Variants in RPF2 observed in about 807,000 individuals in gnomAD.
The protein encoded by RPF2 is brix domain containing 1.
Under a neutral mutation model 38.9 loss-of-function variants are expected in RPF2, and 21 were observed. That is an observed-to-expected ratio of 0.54 (90% confidence interval 0.38 to 0.78). The LOEUF is 0.78. Among genes scored for constraint, RPF2 ranks in the 30% least tolerant of loss-of-function variants. The pLI, the probability that RPF2 is intolerant of heterozygous loss-of-function variation, is 0.00. For synonymous variants in RPF2, 121 were observed against 126.2 expected (o/e 0.96, Z 0.28); for missense variants, 314 against 358.1 (o/e 0.88, Z 0.99).
At chr6:110,983,639 G>A (rs1194748607) in intron 1 of RPF2, among the ~76,000 whole-genome samples, 2 of 152,152 alleles carry the variant, frequency 1.3e-5, no homozygotes, top group Admixed American at 6.6e-5. Flanking sequence ...CCACCTCCCA[G>A]CCCTAGCTCA....
At chr6:111,023,038 A>G (rs1424928238) in intron 8 of RPF2, among the ~76,000 whole-genome samples, 1 of 152,188 alleles carries the variant, frequency 6.6e-6, no homozygotes, top group Non-Finnish European at 1.5e-5. Context: ...AGCTGGGACT[A>G]CAGGCATGTG....
In RPF2 at chr6:110,989,014, AT is replaced by A; in HGVS notation, c.157-10del. Reference sequence around the variant, plus strand: ...ATGTGTTTTGTTTTGAAAGCTATAAATTTTGTTTTACAGTATGCACTGAAAA... The same window carrying A: ...ATGTGTTTTGTTTTGAAAGCTATAAATTTGTTTTACAGTATGCACTGAAAA... On this transcript the variant is annotated splice_polypyrimidine_tract_variant and intron_variant, in intron 2 of 9. Transcript: ENST00000441448. The A allele has an allele frequency of 6.3e-7, 1 of 1,596,102 alleles. No individual in the cohort carries two copies. The highest frequency in any genetic ancestry group is 8.5e-7 in the Non-Finnish European group (1 of 1,170,804).
intron 3 of RPF2, among the ~76,000 whole-genome samples, chr6:110,989,477 G>A (rs6925070): frequency 0.25 from 37,618 of 152,006 alleles, 5,385 homozygotes; most frequent in East Asian, 0.65. Flanking sequence ...CTTTTGAGAC[G>A]GAGTCCTGTT....
chr6:110,996,700 G>A (rs1019237052), intron 4 of RPF2, among the ~76,000 whole-genome samples: 4 of 152,128 alleles, frequency 2.6e-5, no homozygotes, highest in African/African-American at 9.7e-5. Context: ...GAAACTTGAA[G>A]TAAAAAGCTG....
intron 1 of RPF2, among the ~76,000 whole-genome samples, chr6:110,982,846 A>G (rs1353776370): frequency 2.0e-5 from 3 of 152,194 alleles, no homozygotes; most frequent in Non-Finnish European, 4.4e-5. Context: ...AGCTGTTTGG[A>G]CTACAAAGAG....
At chr6:111,006,241 A>AT (rs58961329) in intron 6 of RPF2, among the ~76,000 whole-genome samples, 55 of 147,354 alleles carry the variant, frequency 3.7e-4, no homozygotes, top group South Asian at 2.1e-3. Context: ...TATAGCCTTC[A>AT]TTTTTTTTTT....
rs1325922384 is a variant in RPF2, at chr6:111,015,853, A to G, written c.593A>G (p.Tyr198Cys). 2 of 1,588,976 alleles carry G rather than the reference A, an allele frequency of 1.3e-6. No homozygotes were observed. Among genetic ancestry groups the G allele is most frequent in the Non-Finnish European group, 1.7e-6 (2 of 1,157,234 alleles). The change falls in exon 8 of 10, where the codon TAT (tyrosine) becomes TGT (cysteine). Residue 198 changes from tyrosine (Y) to cysteine (C), a missense_variant. Physicochemically the swap from Tyr to Cys is radical, Grantham distance 194. Coordinates refer to ENST00000441448, the MANE Select transcript of RPF2 (RefSeq NM_032194.3). ...AATGGGAAGATTTACTTTCGAAGCTATAAGTAAGTGCATTTCTTCACATAT... is the reference window on the plus strand; with the variant it reads ...AATGGGAAGATTTACTTTCGAAGCTGTAAGTAAGTGCATTTCTTCACATAT... Reference protein sequence around the residue: ...ALNGKIYFRSYKLLLKKSGCR... With the variant: ...ALNGKIYFRSCKLLLKKSGCR...
chr6:110,983,796 C>CGGG (rs562941947), intron 1 of RPF2, among the ~76,000 whole-genome samples: 1 of 136,094 alleles, frequency 7.3e-6, no homozygotes, highest in African/African-American at 2.8e-5. Context: ...GAGGCTGAGG[C>CGGG]GGGGGGGTGG....
At chr6:111,018,146 G>C (rs1453392206) in intron 8 of RPF2, among the ~76,000 whole-genome samples, 5 of 150,902 alleles carry the variant, frequency 3.3e-5, no homozygotes, top group Middle Eastern at 3.4e-3. Context: ...AGGTTGCAGT[G>C]AGCGGAGATG....
intron 7 of RPF2, among the ~76,000 whole-genome samples, chr6:111,011,292 C>T (rs989742381): frequency 1.4e-5 from 2 of 142,376 alleles, no homozygotes; most frequent in East Asian, 2.3e-4. Context: ...TTCTTTCTTT[C>T]TTTCTTTCTT....
intron 8 of RPF2, among the ~76,000 whole-genome samples, chr6:111,016,683 C>CTTT (rs1397812113): frequency 0.011 from 1,172 of 105,808 alleles, 49 homozygotes; most frequent in African/African-American, 0.044. Context: ...TTTTTTTTTT[C>CTTT]TTTCTTTTTT....
In RPF2 at chr6:111,025,649, T is replaced by C. The variant is rs1388245880; in HGVS notation, c.*67T>C. 4 of 1,151,754 alleles carry C rather than the reference T, an allele frequency of 3.5e-6. No individual in the cohort carries two copies. The highest frequency in any genetic ancestry group is 4.9e-6 in the Non-Finnish European group (4 of 815,696). 71.3% of individuals were successfully genotyped at this position (1,151,754 alleles called of 1,614,324 possible). A position where few individuals can be genotyped will look rare whatever the true frequency, so the allele number is the denominator to read the frequency against. On this transcript the variant is annotated 3_prime_UTR_variant, in exon 10 of 10. Coordinates refer to ENST00000441448, the MANE Select transcript of RPF2 (RefSeq NM_032194.3). ...AAGAGAATTATCAAGCGTCAATCCA[T>C]TCAGAGTTTCTTATAAGATCTTATT...
At chr6:111,011,055 G>T (rs1367380942) in intron 7 of RPF2, among the ~76,000 whole-genome samples, 1 of 152,130 alleles carries the variant, frequency 6.6e-6, no homozygotes, top group African/African-American at 2.4e-5. Flanking sequence ...TTAAATGAGA[G>T]CTATTAAGTA....
At chr6:111,018,863 T>C (rs1772177549) in intron 8 of RPF2, among the ~76,000 whole-genome samples, 1 of 152,196 alleles carries the variant, frequency 6.6e-6, no homozygotes. Flanking sequence ...TATTATACTA[T>C]ACAGTAGATG....
chr6:111,020,362 CAT>C (rs1167586514), intron 8 of RPF2, among the ~76,000 whole-genome samples: 3 of 152,030 alleles, frequency 2.0e-5, no homozygotes, highest in African/African-American at 7.2e-5. Flanking sequence ...CTGTGTTAAA[CAT>C]AGAGGGGATA....
rs1052765592 is a variant in RPF2 at position 110,988,722 on chromosome 6, T to C, written c.157-306T>C. Reference sequence around the variant, plus strand: ...TGTTGGGATTACAGGCGTGAGCCACTGCACCTGGAATTGTTTCCCTAGAGA... The same window carrying C: ...TGTTGGGATTACAGGCGTGAGCCACCGCACCTGGAATTGTTTCCCTAGAGA... On this transcript the variant is annotated intron_variant, in intron 2 of 9. Coordinates refer to ENST00000441448, the MANE Select transcript of RPF2 (RefSeq NM_032194.3). Among the ~76,000 whole-genome samples, 19 of 152,328 alleles carry C rather than the reference T, an allele frequency of 1.2e-4. 1 individual carries two copies. Among genetic ancestry groups the C allele is most frequent in the Non-Finnish European group, 2.2e-4 (15 of 68,036 alleles).
chr6:110,986,474 C>T (rs111520339), intron 2 of RPF2, among the ~76,000 whole-genome samples: 3,787 of 152,132 alleles, frequency 0.025, 137 homozygotes, highest in African/African-American at 0.088. Context: ...GCCTGATGGG[C>T]AATAATGCCA....
Position 110,985,042 on chromosome 6 carries a change from G to C in RPF2, c.60G>C (p.Glu20Asp), listed in dbSNP as rs1771501368. ...PKTKRAKRFL[E>D]KREPKLNENI... ...CGAAAAGAGCCAAGAGATTCCTTGA[G>C]AAGAGAGAACCGAAACTCAATGAAA... The change falls in exon 2 of 10, where the codon GAG becomes GAC. Residue 20 changes from glutamate to aspartate, a missense_variant. Coordinates refer to ENST00000441448, the MANE Select transcript of RPF2 (RefSeq NM_032194.3). The C allele has an allele frequency of 1.9e-6, 3 of 1,612,622 alleles. No individual in the cohort carries two copies. The East Asian group carries it at 6.7e-5, about 36-fold the overall frequency.
chr6:111,000,054 A>AT (rs1175157281), intron 6 of RPF2, among the ~76,000 whole-genome samples: 1 of 147,152 alleles, frequency 6.8e-6, no homozygotes, highest in Non-Finnish European at 1.5e-5. Context: ...TAGTTTTTTT[A>AT]TTTTTTGTTT....
Sources: gnomAD v4.1 joint callset for allele counts (sites outside exome capture counted in the v4.1 genomes callset) on GRCh38, gnomAD v4.1.1 for gene constraint, MANE v1.5 for transcripts, NCBI Gene and HGNC (gene_info 2026-07-23, HGNC 2026-07-21) for gene names.